The following AFF2 variants were observed in gnomAD, a reference collection of about 807,000 sequenced individuals.
The protein encoded by AFF2 is AF4/FMR2 family member 2.
Under a neutral mutation model 76.9 loss-of-function variants are expected in AFF2, and 14 were observed. That is an observed-to-expected ratio of 0.18 (90% CI 0.12 to 0.28). The LOEUF is 0.28. Among genes scored for constraint, AFF2 ranks in the 10% least tolerant of loss-of-function variants. The pLI is 1.00. For synonymous variants in AFF2, 398 were observed against 366.7 expected (o/e 1.09, Z -0.98); for missense variants, 868 against 1,001.1 (o/e 0.87, Z 1.79).
At chrX:148,855,637 A>G in intron 7 of AFF2, among the ~76,000 whole-genome samples, 1 of 111,990 alleles carries the variant, frequency 8.9e-6, no homozygotes, top group Non-Finnish European at 1.9e-5. Flanking sequence ...AAATGCATGC[A>G]TGTGTGCATA....
chrX:148,722,998 T>C (rs1274401351), intron 3 of AFF2, among the ~76,000 whole-genome samples: 1 of 111,470 alleles, frequency 9.0e-6, no homozygotes, highest in African/African-American at 3.3e-5. Context: ...TTCTCATGCT[T>C]CATGAGTATA....
chrX:148,549,931 G>A (rs931329682), intron 1 of AFF2, among the ~76,000 whole-genome samples: 5 of 111,753 alleles, frequency 4.5e-5, no homozygotes, highest in Admixed American at 2.9e-4. Context: ...CTAAAAACTG[G>A]AGAAAGATTT....
chrX:148,763,388 T>G, intron 3 of AFF2, among the ~76,000 whole-genome samples: 1 of 111,601 alleles, frequency 9.0e-6, no homozygotes, highest in East Asian at 2.8e-4. Flanking sequence ...GTATTAGTTT[T>G]GGGATGCTAT....
intron 3 of AFF2, among the ~76,000 whole-genome samples, chrX:148,728,400 G>T (rs963765939): frequency 8.9e-6 from 1 of 111,971 alleles, no homozygotes; most frequent in Non-Finnish European, 1.9e-5. Flanking sequence ...AACCCAGGTG[G>T]GTACTTACCC....
At chrX:148,885,623 G>A (rs2071149301) in intron 7 of AFF2, among the ~76,000 whole-genome samples, 1 of 111,645 alleles carries the variant, frequency 9.0e-6, no homozygotes, top group Admixed American at 9.5e-5. Flanking sequence ...AAAATGTATA[G>A]AATCCAGTCA....
chrX:148,803,850 A>C (rs2070092392), intron 3 of AFF2, among the ~76,000 whole-genome samples: 2 of 104,519 alleles, frequency 1.9e-5, no homozygotes, highest in Admixed American at 1.0e-4. Flanking sequence ...TCTCATTCCC[A>C]CTCTCCCTTA....
intron 3 of AFF2, among the ~76,000 whole-genome samples, chrX:148,769,050 A>G (rs989977367): frequency 7.1e-5 from 8 of 112,410 alleles, no homozygotes; most frequent in African/African-American, 2.6e-4. Flanking sequence ...GGAGCTTGAC[A>G]TGTGTACAGC....
intron 1 of AFF2, among the ~76,000 whole-genome samples, chrX:148,570,773 C>T (rs782595068): frequency 9.0e-6 from 1 of 111,464 alleles, no homozygotes; most frequent in Admixed American, 9.5e-5. Context: ...GTGTTCCATG[C>T]CTCTTTCCTA....
At chrX:148,633,587 A>G (rs1237293923) in intron 1 of AFF2, among the ~76,000 whole-genome samples, 1 of 112,463 alleles carries the variant, frequency 8.9e-6, no homozygotes, top group Non-Finnish European at 1.9e-5. Flanking sequence ...GCATTCTGTC[A>G]GTCACTTGGC....
chrX:148,970,327 T>A (rs1314971724), intron 15 of AFF2, among the ~76,000 whole-genome samples: 13 of 112,185 alleles, frequency 1.2e-4, no homozygotes, highest in African/African-American at 4.2e-4. Context: ...TAGCTAATCA[T>A]TTTATAGTTG....
chrX:148,822,992 C>T (rs2070346821), intron 4 of AFF2, among the ~76,000 whole-genome samples: 2 of 111,413 alleles, frequency 1.8e-5, no homozygotes, highest in South Asian at 7.6e-4. Context: ...CTGTTGCGTT[C>T]AGAGGATACC....
At chrX:148,804,831 G>A (rs1361827644) in intron 3 of AFF2, among the ~76,000 whole-genome samples, 1 of 111,982 alleles carries the variant, frequency 8.9e-6, no homozygotes, top group Non-Finnish European at 1.9e-5. Context: ...ACTAGAATAG[G>A]GACGGTTAAG....
intron 1 of AFF2, among the ~76,000 whole-genome samples, chrX:148,643,094 CA>C (rs1201876087): frequency 9.0e-6 from 1 of 111,122 alleles, no homozygotes; most frequent in African/African-American, 3.3e-5. Flanking sequence ...TTCAAGTTGA[CA>C]GTAAAGAGTG....
chrX:148,619,665 A>G (rs2053847404), intron 1 of AFF2, among the ~76,000 whole-genome samples: 1 of 112,083 alleles, frequency 8.9e-6, no homozygotes, highest in South Asian at 3.7e-4. Context: ...AAACAACTGT[A>G]TGGGAAAGAT....
At chrX:148,761,372 C>G (rs2069438395) in intron 3 of AFF2, among the ~76,000 whole-genome samples, 1 of 109,754 alleles carries the variant, frequency 9.1e-6, no homozygotes, top group Admixed American at 9.7e-5. Flanking sequence ...GTCGCTTAGG[C>G]CTGTGGGTGT....
chrX:148,546,671 A>T (rs146145693), intron 1 of AFF2, among the ~76,000 whole-genome samples: 223 of 112,334 alleles, frequency 2.0e-3, no homozygotes, highest in Non-Finnish European at 3.5e-3. Context: ...TTATAAGCAC[A>T]GCTCATTTTC....
chrX:148,952,466 C>T (rs980219277), intron 9 of AFF2, among the ~76,000 whole-genome samples: 1 of 111,558 alleles, frequency 9.0e-6, no homozygotes, highest in African/African-American at 3.3e-5. Flanking sequence ...GCACTCCCCT[C>T]CCCATGAGCT....
intron 12 of AFF2, among the ~76,000 whole-genome samples, chrX:148,962,108 T>C (rs782349137): frequency 1.8e-5 from 2 of 112,910 alleles, no homozygotes; most frequent in Non-Finnish European, 3.7e-5. Context: ...ACATCAGTAC[T>C]TCAGTATAAC....
intron 1 of AFF2, among the ~76,000 whole-genome samples, chrX:148,629,336 A>G (rs73618396): frequency 9.0e-6 from 1 of 111,333 alleles, no homozygotes; most frequent in African/African-American, 3.3e-5. Context: ...TATGCTTTCA[A>G]GTGGCAAATT....
Sources: allele counts gnomAD v4.1 joint callset (sites outside exome capture counted in the v4.1 genomes callset), GRCh38; gene constraint gnomAD v4.1.1; transcripts MANE v1.5; gene names NCBI Gene and HGNC (gene_info 2026-07-23, HGNC 2026-07-21).